Variants in C1orf198 observed in about 807,000 individuals in gnomAD.
C1orf198 encodes the protein chromosome 1 open reading frame 198, also known as uncharacterized protein C1orf198.
A neutral mutation model predicts 31.4 loss-of-function variants in C1orf198; 17 were observed. The observed-to-expected ratio is 0.54, with a 90% CI of 0.37 to 0.81. The LOEUF is 0.81. Ranked by LOEUF, C1orf198 falls within the 40% of genes least tolerant of loss-of-function variation. The pLI is 0.00. For missense variants in C1orf198, 401 were observed against 450.3 expected (o/e 0.89, Z 0.99); for synonymous variants, 175 against 193.8 (o/e 0.90, Z 0.81).
intron 3 of C1orf198, among the ~76,000 whole-genome samples, chr1:230,841,030 CT>C (rs779889439): frequency 2.6e-5 from 4 of 152,236 alleles, no homozygotes; most frequent in Non-Finnish European, 4.4e-5. Context: ...TCCTGCTTCT[CT>C]TTAGAGTGGG....
chr1:230,843,658 T>A lies in C1orf198; in HGVS notation c.623A>T (p.Gln208Leu). 3.1e-6 allele frequency: 5 copies of A among 1,614,242 alleles called. No individual in the cohort carries two copies. Among genetic ancestry groups the A allele is most frequent in the Non-Finnish European group, 4.2e-6 (5 of 1,180,034 alleles). The change falls in exon 3 of 4, where the codon CAG (glutamine) becomes CTG (leucine). Residue 208 changes from glutamine to leucine, a missense_variant. Coordinates refer to ENST00000366663, the MANE Select transcript of C1orf198 (RefSeq NM_032800.3). The surrounding 1 kb of genome is among the most constrained non-coding windows in gnomAD (Gnocchi z 4.9). ...CTTGATCTGGCTAGGGGTCAGCGACTGGAACTCGGCCTCAGGCCCCTCCCC... is the reference window on the plus strand; with the variant it reads ...CTTGATCTGGCTAGGGGTCAGCGACAGGAACTCGGCCTCAGGCCCCTCCCC... The part of the protein sequence containing the change: ...SRGEGPEAEF[Q>L]SLTPSQIKSM...
intron 1 of C1orf198, among the ~76,000 whole-genome samples, chr1:230,861,911 A>C (rs1205511922): frequency 6.6e-6 from 1 of 152,216 alleles, no homozygotes; most frequent in African/African-American, 2.4e-5. Context: ...GAAATCCATA[A>C]ATAAGGAGAG....
chr1:230,845,847 A>G (rs1669576177), intron 2 of C1orf198, among the ~76,000 whole-genome samples: 1 of 152,188 alleles, frequency 6.6e-6, no homozygotes, highest in Admixed American at 6.5e-5. Flanking sequence ...TGTTATTTCT[A>G]TGTAACCATT....
At position 230,843,749 on chromosome 1, in the gene C1orf198, C is replaced by T. The variant is rs375540477; in HGVS notation, c.532G>A (p.Ala178Thr). The change falls in exon 3 of 4, where the codon GCC becomes ACC. Residue 178 changes from alanine to threonine, a missense_variant. Transcript: ENST00000366663. The surrounding 1 kb of genome is among the most constrained non-coding windows in gnomAD (Gnocchi z 4.9). Reference protein sequence around the residue: ...SQGSRSSSLDALGPTRKEEEA... With the variant: ...SQGSRSSSLDTLGPTRKEEEA... ...TCCTCCTTCCTGGTGGGGCCCAGGG[C>T]GTCCAGGCTGGAGGACCTGCTGCCT... is the stretch of plus-strand genomic sequence containing the variant. 2.5e-5 allele frequency: 41 copies of T among 1,613,890 alleles called. No individual in the cohort carries two copies. The highest frequency in any genetic ancestry group is 6.7e-5 in the East Asian group (3 of 44,860).
intron 2 of C1orf198, among the ~76,000 whole-genome samples, chr1:230,845,888 C>A (rs561087235): frequency 6.6e-6 from 1 of 152,214 alleles, no homozygotes; most frequent in African/African-American, 2.4e-5. Flanking sequence ...GGCTGTAGTT[C>A]TGTTGGGCAT....
chr1:230,843,619 C>G lies in C1orf198; in HGVS notation c.662G>C (p.Gly221Ala), dbSNP rs766340535. ...GTAGCAGGGAGGCAAGACCTTTTCC[C>G]CCTTCTCCATGGACTTGATCTGGCT... ...TPSQIKSMEK[G>A]EKVLPPCYRQ... The change falls in exon 3 of 4, where the codon GGG becomes GCG. Residue 221 changes from glycine to alanine, a missense_variant. Transcript: ENST00000366663. The surrounding 1 kb of genome is among the most constrained non-coding windows in gnomAD (Gnocchi z 4.9). The G allele has an allele frequency of 2.5e-6, 4 of 1,614,112 alleles. No homozygotes were observed. The African/African-American group carries it at 4.0e-5, about 16-fold the overall frequency.
At chr1:230,847,054 A>G (rs113600131) in intron 2 of C1orf198, among the ~76,000 whole-genome samples, 8,469 of 144,494 alleles carry the variant, frequency 0.059, 829 homozygotes, top group African/African-American at 0.22. Flanking sequence ...AGTGAGCCGA[A>G]ATCCCGCCAC....
intron 2 of C1orf198, among the ~76,000 whole-genome samples, chr1:230,845,893 G>A (rs1669577930): frequency 6.6e-6 from 1 of 152,064 alleles, no homozygotes; most frequent in Admixed American, 6.5e-5. Flanking sequence ...TAGTTCTGTT[G>A]GGCATGTGAT....
intron 2 of C1orf198, among the ~76,000 whole-genome samples, chr1:230,849,111 C>T (rs1348253262): frequency 1.3e-5 from 2 of 152,204 alleles, no homozygotes; most frequent in Non-Finnish European, 2.9e-5. Flanking sequence ...CTGCTTTTTG[C>T]TTCGGTGACT....
rs773439874 is a variant in C1orf198, at chr1:230,843,872, C to T, written c.409G>A (p.Ala137Thr). ...TTGCTCGGCTCCTGGATGGATAGGG[C>T]GGAGATACTGAACTCCATCTGACTC... ...TKSQMEFSIS[A>T]LSIQEPSNGT... Residue 137 changes from alanine to threonine, a missense_variant, in exon 3 of 4, where the codon GCC becomes ACC. Ala to Thr is a moderately conservative substitution (Grantham distance 58). Transcript: ENST00000366663. This position sits in a 1 kb window ranked among gnomAD's most constrained non-coding sequence, Gnocchi z 4.9. 60 of 1,518,716 alleles carry T rather than the reference C, an allele frequency of 4.0e-5. No individual in the cohort carries two copies. In the Admixed American group the frequency reaches 4.0e-4, roughly 10 times the overall value. The allele number at this position is 1,518,716 out of a possible 1,614,324, so 94.1% of individuals were successfully genotyped here.
Position 230,855,369 on chromosome 1 carries a change from G to A in C1orf198, c.384+299C>T, listed in dbSNP as rs78918336. ...GAGCAGAGACAGGGCCCCCAAGAGG[G>A]CTGGCCCCCTTAACCAAGCTGGCCG... On this transcript the variant is annotated intron_variant, in intron 2 of 3. Transcript: ENST00000366663. 6.9e-3 allele frequency among the ~76,000 whole-genome samples: 1,044 copies of A among 152,324 alleles called. 8 individuals are homozygous for A. The highest frequency in any genetic ancestry group is 0.024 in the African/African-American group (1,002 of 41,578).
intron 3 of C1orf198, among the ~76,000 whole-genome samples, chr1:230,842,951 C>T (rs188671204): frequency 1.1e-4 from 17 of 152,042 alleles, no homozygotes; most frequent in African/African-American, 3.9e-4. Flanking sequence ...GGCAGCTCCC[C>T]TGGCCCAAAT....
chr1:230,848,228 GACTATGGGGAAGACAAGA>G, intron 2 of C1orf198, among the ~76,000 whole-genome samples: 1 of 152,346 alleles, frequency 6.6e-6, no homozygotes, highest in South Asian at 2.1e-4. Flanking sequence ...GTCTGGAGGT[GACTATGGGGAAGACAAGA>G]ACTTAACAAA....
intron 1 of C1orf198, among the ~76,000 whole-genome samples, chr1:230,865,500 A>G (rs1414894999): frequency 1.3e-5 from 2 of 152,230 alleles, no homozygotes; most frequent in African/African-American, 2.4e-5. Context: ...GCCTTGAGAA[A>G]TATTTGCTCT....
At chr1:230,858,784 G>A (rs569803332) in intron 1 of C1orf198, among the ~76,000 whole-genome samples, 1 of 152,304 alleles carries the variant, frequency 6.6e-6, no homozygotes, top group Admixed American at 6.5e-5. Context: ...TTTGAAATCT[G>A]CAAAGATTAA....
chr1:230,855,753 A>C, intron 1 of C1orf198, 35 bp from the exon 2 acceptor site: 1 of 1,611,764 alleles, frequency 6.2e-7, no homozygotes, highest in South Asian at 1.1e-5. Context: ...TCTGAAATTC[A>C]AACCCAGACA....
At position 230,838,197 on chromosome 1, in the gene C1orf198, T is replaced by C. The variant is rs1263513163; in HGVS notation, c.*1655A>G. 6.6e-6 allele frequency: 1 copy of C among 152,242 alleles called. No individual in the cohort carries two copies. Among genetic ancestry groups the C allele is most frequent in the Non-Finnish European group, 1.5e-5 (1 of 68,068 alleles). The allele number at this position is 152,242 out of a possible 1,614,324, so 9.4% of individuals were successfully genotyped here. On this transcript the variant is annotated 3_prime_UTR_variant, in exon 4 of 4. Coordinates refer to ENST00000366663, the MANE Select transcript of C1orf198 (RefSeq NM_032800.3). This position sits in a 1 kb window ranked among gnomAD's most constrained non-coding sequence, Gnocchi z 4.2. ...CAACTGGGATTTCTAAGCTCCTTTT[T>C]CCCTCACCACCATGCTGAAACCTTT...
chr1:230,842,941 G>A (rs975210196), intron 3 of C1orf198, among the ~76,000 whole-genome samples: 5 of 151,556 alleles, frequency 3.3e-5, no homozygotes, highest in African/African-American at 4.9e-5. Flanking sequence ...TTTGCCAACA[G>A]GCAGCTCCCC....
chr1:230,863,136 C>T (rs1670035896), intron 1 of C1orf198, among the ~76,000 whole-genome samples: 2 of 152,074 alleles, frequency 1.3e-5, no homozygotes, highest in Admixed American at 1.3e-4. Flanking sequence ...TTTAACTCTG[C>T]TGAGATAAGG....
Sources: allele counts gnomAD v4.1 joint callset (sites outside exome capture counted in the v4.1 genomes callset), GRCh38; gene constraint gnomAD v4.1.1; non-coding constraint Gnocchi (gnomAD v3.1); transcripts MANE v1.5; gene names NCBI Gene and HGNC (gene_info 2026-07-23, HGNC 2026-07-21).